The following NIPAL3 variants were observed in gnomAD, a reference collection of about 807,000 sequenced individuals.
The protein encoded by NIPAL3 is NIPA like domain containing 3, also known as NIPA-like protein 3.
A neutral mutation model predicts 47.2 loss-of-function variants in NIPAL3; 41 were observed. The observed-to-expected ratio is 0.87, with a 90% CI of 0.68 to 1.13. The LOEUF is 1.13. Among genes scored for constraint, NIPAL3 ranks in the 50% most tolerant of loss-of-function variants. NIPAL3 has a pLI of 0.00. For missense variants in NIPAL3, 449 were observed against 530.1 expected (o/e 0.85, Z 1.50); for synonymous variants, 194 against 209.6 (o/e 0.93, Z 0.64).
Position 24,469,222 on chromosome 1 carries a change from G to A in NIPAL3, c.*37G>A. ...CTCTATTTATAACTGTCCCCTCCAG[G>A]CTGACAGTGGTTCAACCCTGAATCC... On this transcript the variant is annotated 3_prime_UTR_variant, in exon 12 of 12. Coordinates refer to ENST00000374399, the MANE Select transcript of NIPAL3 (RefSeq NM_020448.5). 6.4e-7 allele frequency: 1 copy of A among 1,569,246 alleles called. No individual in the cohort carries two copies. Among genetic ancestry groups the A allele is most frequent in the South Asian group, 1.1e-5 (1 of 88,898 alleles).
At chr1:24,436,790 C>T (rs1156406604) in intron 2 of NIPAL3, among the ~76,000 whole-genome samples, 2 of 151,944 alleles carry the variant, frequency 1.3e-5, no homozygotes, top group East Asian at 2.0e-4. Flanking sequence ...TGAGCCACCG[C>T]GCCCAGCCTT....
At chr1:24,424,243 A>C (rs913329465) in intron 2 of NIPAL3, among the ~76,000 whole-genome samples, 3 of 152,210 alleles carry the variant, frequency 2.0e-5, no homozygotes, top group African/African-American at 7.2e-5. Flanking sequence ...ACCTGGGTCC[A>C]AATCCCCAGT....
At chr1:24,447,733 G>A (rs979111767) in intron 5 of NIPAL3, among the ~76,000 whole-genome samples, 13 of 152,130 alleles carry the variant, frequency 8.5e-5, no homozygotes, top group African/African-American at 2.7e-4. Flanking sequence ...GGTAATCCTA[G>A]GATGAGAGCC....
At chr1:24,465,328 G>C (rs960081768) in intron 11 of NIPAL3, 2 of 152,044 alleles carry the variant, frequency 1.3e-5, no homozygotes, top group African/African-American at 4.8e-5. Flanking sequence ...TTCCAGATAG[G>C]TGAGGTGTCA....
At chr1:24,440,352 T>A in intron 3 of NIPAL3, 112 bp downstream of exon 3, 6 of 723,488 alleles carry the variant, frequency 8.3e-6, no homozygotes, top group African/African-American at 1.8e-5. Flanking sequence ...ACTGCATCCC[T>A]GGGCTGCACC....
chr1:24,446,068 T>TGTG (rs767193180), intron 5 of NIPAL3, among the ~76,000 whole-genome samples: 1 of 40,740 alleles, frequency 2.5e-5, no homozygotes, highest in Non-Finnish European at 5.4e-5. Flanking sequence ...GAGATTATAG[T>TGTG]CGTGTGTGTG....
chr1:24,465,426 T>G (rs1289440560), intron 11 of NIPAL3: 2 of 119,852 alleles, frequency 1.7e-5, no homozygotes, highest in Non-Finnish European at 3.1e-5. Flanking sequence ...TTTGTGTGTG[T>G]ATATATATAT....
intron 8 of NIPAL3, among the ~76,000 whole-genome samples, chr1:24,458,025 TAGCCAGTGC>T (rs1453303848): frequency 6.6e-6 from 1 of 152,218 alleles, no homozygotes; most frequent in Non-Finnish European, 1.5e-5. Context: ...ACTCATTCCC[TAGCCAGTGC>T]AGCCCACTGA....
rs1469064310 is a variant in NIPAL3, at chr1:24,471,633, G to A, written c.*2448G>A. On this transcript the variant is annotated 3_prime_UTR_variant, in exon 12 of 12. Transcript: ENST00000374399. ...TGGAGGCCGAATCATGGAGGGTCTT[G>A]AATACCTGGCTAAGGAGTTTAAAGT... 1 of 149,910 alleles carries A rather than the reference G, an allele frequency of 6.7e-6. No homozygotes were observed. Among genetic ancestry groups the A allele is most frequent in the African/African-American group, 2.4e-5 (1 of 40,898 alleles). The allele number at this position is 149,910 out of a possible 1,614,324, so 9.3% of individuals were successfully genotyped here. A position where few individuals can be genotyped will look rare whatever the true frequency, so the allele number is the denominator to read the frequency against.
At chr1:24,450,026 T>A (rs996929440) in intron 6 of NIPAL3, among the ~76,000 whole-genome samples, 2 of 152,266 alleles carry the variant, frequency 1.3e-5, no homozygotes, top group African/African-American at 2.4e-5. Context: ...ACTCCTCAAG[T>A]GCCCCCCAGC....
chr1:24,444,016 TTC>T (rs1645527670), intron 4 of NIPAL3, among the ~76,000 whole-genome samples: 1 of 83,356 alleles, frequency 1.2e-5, no homozygotes, highest in Non-Finnish European at 2.3e-5. Context: ...AATAACCAAA[TTC>T]TTTTTTTTTT....
chr1:24,417,449 C>T (rs1408775494), intron 1 of NIPAL3, among the ~76,000 whole-genome samples: 2 of 152,196 alleles, frequency 1.3e-5, no homozygotes, highest in African/African-American at 2.4e-5. Flanking sequence ...AAATGTAACA[C>T]AATAATGCTT....
At position 24,456,117 on chromosome 1, in the gene NIPAL3, G is replaced by A. The variant is rs199986351; in HGVS notation, c.638-21G>A. On this transcript the variant is annotated intron_variant, in intron 7 of 11. Transcript: ENST00000374399. ...TGCATTTCCCTGAGGCTCCCCATTC[G>A]CCCTTGTCTCCCATCTGCAGGCTCC... is the stretch of plus-strand genomic sequence containing the variant. 1,115 of 1,613,714 alleles carry A rather than the reference G, an allele frequency of 6.9e-4. 2 individuals are homozygous for A. Among genetic ancestry groups the A allele is most frequent in the Middle Eastern group, 2.5e-3 (15 of 6,062 alleles).
intron 11 of NIPAL3, chr1:24,465,320 C>T (rs2148863771): frequency 1.3e-5 from 2 of 151,914 alleles, no homozygotes; most frequent in Non-Finnish European, 2.9e-5. Context: ...TAGCTGAATT[C>T]CAGATAGGTG....
intron 4 of NIPAL3, among the ~76,000 whole-genome samples, chr1:24,442,917 C>T (rs1447091165): frequency 2.0e-5 from 3 of 152,210 alleles, no homozygotes; most frequent in Non-Finnish European, 4.4e-5. Context: ...CTGCAGTGAG[C>T]TTTGATTACA....
chr1:24,471,000 G>C lies in NIPAL3; in HGVS notation c.*1815G>C, dbSNP rs1646882077. ...AGCAGAGGGAGGCACAAATACCCAG[G>C]AATCTCTGATGGGTGTGAAGTGCGG... On this transcript the variant is annotated 3_prime_UTR_variant, in exon 12 of 12. Transcript: ENST00000374399. 1 of 152,222 alleles carries C rather than the reference G, an allele frequency of 6.6e-6. No homozygotes were observed. The highest frequency in any genetic ancestry group is 6.5e-5 in the Admixed American group (1 of 15,280). The allele number at this position is 152,222 out of a possible 1,614,324, so 9.4% of individuals were successfully genotyped here.
chr1:24,457,613 A>G (rs780270462), intron 8 of NIPAL3: 5 of 393,420 alleles, frequency 1.3e-5, no homozygotes, highest in Admixed American at 3.4e-5. Flanking sequence ...CCCATTTTGC[A>G]TACGAGGAAC....
intron 2 of NIPAL3, chr1:24,422,050 C>G (rs529498128): frequency 6.6e-6 from 1 of 152,274 alleles, no homozygotes; most frequent in African/African-American, 2.4e-5. Context: ...TCCTTCTGAC[C>G]AGCCAGATGG....
intron 1 of NIPAL3, among the ~76,000 whole-genome samples, chr1:24,418,127 GA>G: frequency 6.6e-6 from 1 of 152,300 alleles, no homozygotes; most frequent in East Asian, 1.9e-4. Context: ...GAAACTGGCT[GA>G]AAAGTTAAAT....
Sources: gnomAD v4.1 joint callset for allele counts (sites outside exome capture counted in the v4.1 genomes callset) on GRCh38, gnomAD v4.1.1 for gene constraint, MANE v1.5 for transcripts, NCBI Gene and HGNC (gene_info 2026-07-23, HGNC 2026-07-21) for gene names.